The following KDM2B variants were observed in gnomAD, a reference collection of about 807,000 sequenced individuals.
The protein encoded by KDM2B is lysine-specific demethylase 2B.
In KDM2B, 26 loss-of-function variants were observed where a neutral mutation model predicts 150.0. The observed-to-expected ratio is 0.17, with a 90% confidence interval of 0.13 to 0.24. The LOEUF is 0.24. Among genes scored for constraint, KDM2B ranks in the 10% least tolerant of loss-of-function variants. The probability of loss-of-function intolerance (pLI) is 1.00; values close to 1 mark genes in which losing one functional copy is unlikely to be tolerated. For missense variants in KDM2B, 1,265 were observed against 1,816.9 expected (o/e 0.70, Z 5.52); for synonymous variants, 734 against 729.5 (o/e 1.01, Z -0.10).
rs1348253127 is a variant in KDM2B, at chr12:121,467,705, G to C, written c.1735-14361C>G. 1.3e-5 allele frequency: 2 copies of C among 152,180 alleles called. No individual in the cohort carries two copies. Among genetic ancestry groups the C allele is most frequent in the African/African-American group, 4.8e-5 (2 of 41,530 alleles). 9.4% of individuals were successfully genotyped at this position (152,180 alleles called of 1,614,324 possible). On this transcript the variant is annotated intron_variant, in intron 12 of 22. Transcript: ENST00000377071. The surrounding 1 kb of genome is among the most constrained non-coding windows in gnomAD (Gnocchi z 5.1). Reference sequence around the variant, plus strand: ...GGAAATGCGCGCCCGGCCTGGGGTGGGGTCCTTTGTGTGGTCCCGTGGGGC... The same window carrying C: ...GGAAATGCGCGCCCGGCCTGGGGTGCGGTCCTTTGTGTGGTCCCGTGGGGC...
At chr12:121,446,143 C>T (rs1013080014) in intron 13 of KDM2B, among the ~76,000 whole-genome samples, 1 of 152,182 alleles carries the variant, frequency 6.6e-6, no homozygotes, top group African/African-American at 2.4e-5. Flanking sequence ...CGCCTGTAAT[C>T]CCAGCACTTT....
intron 4 of KDM2B, among the ~76,000 whole-genome samples, chr12:121,559,187 AG>A (rs1190121714): frequency 2.0e-5 from 3 of 152,174 alleles, no homozygotes; most frequent in South Asian, 2.1e-4. Context: ...CTGAAGTCAT[AG>A]GGGGAAGCGT....
chr12:121,580,598 C>A, intron 1 of KDM2B, 188 bp downstream of exon 1: 2 of 360,034 alleles, frequency 5.6e-6, no homozygotes, highest in Non-Finnish European at 9.2e-6. Flanking sequence ...GAGGAGGGGG[C>A]GGGGAGGGAG....
intron 6 of KDM2B, among the ~76,000 whole-genome samples, chr12:121,536,473 A>C (rs1402059849): frequency 6.6e-6 from 1 of 151,960 alleles, no homozygotes; most frequent in African/African-American, 2.4e-5. Context: ...CACCGTCCTC[A>C]CCTGTAGGCC....
At chr12:121,525,321 C>T in intron 8 of KDM2B, among the ~76,000 whole-genome samples, 1 of 152,236 alleles carries the variant, frequency 6.6e-6, no homozygotes, top group East Asian at 1.9e-4. Flanking sequence ...GGCTGGAGTG[C>T]AGTGGTGCCA....
chr12:121,505,866 C>A (rs1255508162), intron 11 of KDM2B, among the ~76,000 whole-genome samples: 1 of 152,142 alleles, frequency 6.6e-6, no homozygotes, highest in African/African-American at 2.4e-5. Flanking sequence ...TTTTTTATTT[C>A]TTGGCCAAAG....
At position 121,467,266 on chromosome 12, in the gene KDM2B, G is replaced by T; in HGVS notation, c.1735-13922C>A. 2.0e-6 allele frequency: 2 copies of T among 983,504 alleles called. No individual in the cohort carries two copies. The highest frequency in any genetic ancestry group is 2.4e-6 in the Non-Finnish European group (2 of 830,506). The allele number at this position is 983,504 out of a possible 1,614,324, so 60.9% of individuals were successfully genotyped here. A position where few individuals can be genotyped will look rare whatever the true frequency, so the allele number is the denominator to read the frequency against. ...CTGACATGGCTGGAGCGGCGCCGCC[G>T]CCGCCGCCCGCCCGGAGCAGGCTCG... On this transcript the variant is annotated intron_variant, in intron 12 of 22. Coordinates refer to ENST00000377071, the MANE Select transcript of KDM2B (RefSeq NM_032590.5). This position sits in a 1 kb window ranked among gnomAD's most constrained non-coding sequence, Gnocchi z 5.1.
chr12:121,443,466 T>C (rs1875549540), intron 17 of KDM2B: 2 of 597,926 alleles, frequency 3.3e-6, no homozygotes, highest in Admixed American at 3.0e-5. Context: ...AGAGGTTCCC[T>C]GGACTCACAG....
intron 12 of KDM2B, among the ~76,000 whole-genome samples, chr12:121,464,179 G>C (rs1221068272): frequency 6.6e-6 from 1 of 152,236 alleles, no homozygotes; most frequent in African/African-American, 2.4e-5. Flanking sequence ...ACTGCAATGA[G>C]TTATAATCAT....
At chr12:121,416,419 G>C in the KDM2B span, 1 of 1,298,632 alleles carries the variant, frequency 7.7e-7, no homozygotes, top group East Asian at 2.3e-5. Flanking sequence ...ACATGGGTCA[G>C]CATTCTTGAT....
At chr12:121,511,043 C>T (rs1458365890) in intron 10 of KDM2B, among the ~76,000 whole-genome samples, 2 of 151,042 alleles carry the variant, frequency 1.3e-5, no homozygotes, top group East Asian at 3.9e-4. Flanking sequence ...CAGAGTCTCG[C>T]TCTGTCACCC....
At chr12:121,525,721 G>C (rs571622715) in intron 8 of KDM2B, among the ~76,000 whole-genome samples, 15 of 152,096 alleles carry the variant, frequency 9.9e-5, no homozygotes, top group Non-Finnish European at 1.3e-4. Context: ...TAGATGGATC[G>C]TCTGAGGCCC....
In KDM2B at chr12:121,444,284, A is replaced by G; in HGVS notation, c.2191-12T>C. On this transcript the variant is annotated splice_polypyrimidine_tract_variant and intron_variant, in intron 15 of 22. Transcript: ENST00000377071. ...GGGCCACGCTTTTGCTTGTAGGCCA[A>G]AAAGAGAGAATGAACAGACCAACTG... The G allele has an allele frequency of 6.2e-7, 1 of 1,613,598 alleles. No individual in the cohort carries two copies. Among genetic ancestry groups the G allele is most frequent in the Non-Finnish European group, 8.5e-7 (1 of 1,179,752 alleles).
Position 121,467,092 on chromosome 12 carries a change from C to T in KDM2B, c.1735-13748G>A, listed in dbSNP as rs1185281994. On this transcript the variant is annotated intron_variant, in intron 12 of 22. Transcript: ENST00000377071. The surrounding 1 kb of genome is among the most constrained non-coding windows in gnomAD (Gnocchi z 5.1). Reference sequence around the variant, plus strand: ...GGCGGCGTCGCGGCCGCCCTCGGCGCGTCAGACAGGCGGTCGGGAGGTCGT... The same window carrying T: ...GGCGGCGTCGCGGCCGCCCTCGGCGTGTCAGACAGGCGGTCGGGAGGTCGT... The T allele has an allele frequency of 9.3e-6, 9 of 971,616 alleles. No individual in the cohort carries two copies. Among genetic ancestry groups the T allele is most frequent in the African/African-American group, 9.0e-5 (5 of 55,710 alleles). 60.2% of individuals were successfully genotyped at this position (971,616 alleles called of 1,614,324 possible).
chr12:121,477,751 T>C (rs1555297036), intron 12 of KDM2B, among the ~76,000 whole-genome samples: 1 of 152,074 alleles, frequency 6.6e-6, no homozygotes, highest in Non-Finnish European at 1.5e-5. Context: ...CTAATTTTTA[T>C]ATTGTTAGTA....
chr12:121,420,729 A>G, the KDM2B span: 1 of 1,614,162 alleles, frequency 6.2e-7, no homozygotes. Context: ...GGGAACTGGT[A>G]GAGAAAGTAA....
In KDM2B at chr12:121,430,785, A is replaced by ATGAT. The variant is rs1271038047; in HGVS notation, c.3830-320_3830-317dup. Among the ~76,000 whole-genome samples, 7 of 152,310 alleles carry ATGAT rather than the reference A, an allele frequency of 4.6e-5. No homozygotes were observed. The South Asian group carries it at 8.3e-4, about 18-fold the overall frequency. ...GTAAGTAGTTCTATGTGCTTTTACA[A>ATGAT]TGATAGGTTCACACACCATGTCAAG... On this transcript the variant is annotated intron_variant, in intron 22 of 22. Coordinates refer to ENST00000377071, the MANE Select transcript of KDM2B (RefSeq NM_032590.5). The surrounding 1 kb of genome is among the most constrained non-coding windows in gnomAD (Gnocchi z 4.4).
chr12:121,449,904 C>T (rs1555291178), intron 13 of KDM2B, among the ~76,000 whole-genome samples: 1 of 152,174 alleles, frequency 6.6e-6, no homozygotes, highest in Admixed American at 6.5e-5. Context: ...AAAGAAAGAA[C>T]TGACAGAGTG....
intron 13 of KDM2B, among the ~76,000 whole-genome samples, chr12:121,450,357 C>G (rs566762486): frequency 1.9e-4 from 29 of 151,696 alleles, no homozygotes; most frequent in Admixed American, 1.7e-3. Context: ...AAAAGTAAAT[C>G]AGTTTAAAAA....
Sources: allele counts gnomAD v4.1 joint callset (sites outside exome capture counted in the v4.1 genomes callset), GRCh38; gene constraint gnomAD v4.1.1; non-coding constraint Gnocchi (gnomAD v3.1); transcripts MANE v1.5; gene names NCBI Gene and HGNC (gene_info 2026-07-23, HGNC 2026-07-21).